Variants in FHIP1A observed in about 807,000 individuals in gnomAD.
FHIP1A encodes the protein FHF complex subunit HOOK-interacting protein 1A.
FHIP1A carries 61 observed loss-of-function variants against 88.6 expected under a neutral mutation model. The ratio of observed to expected loss-of-function variants is 0.69; its 90% CI spans 0.56 to 0.85. FHIP1A has a LOEUF of 0.85. Among genes scored for constraint, FHIP1A ranks in the 40% least tolerant of loss-of-function variants. The pLI is 0.00. For missense variants in FHIP1A, 1,154 were observed against 1,273.5 expected, an observed-to-expected ratio of 0.91 and a Z score of 1.43; for synonymous variants, 478 against 496.0, an observed-to-expected ratio of 0.96 and a Z score of 0.48.
intron 1 of FHIP1A, among the ~76,000 whole-genome samples, chr4:151,443,685 CTGTG>C (rs57147339): frequency 0.088 from 10,748 of 122,074 alleles, 904 homozygotes; most frequent in African/African-American, 0.23. Flanking sequence ...ATGAAGCACT[CTGTG>C]TGTGTGTGTG....
At chr4:151,652,544 TAGGAAATA>T (rs1737067451) in intron 11 of FHIP1A, among the ~76,000 whole-genome samples, 1 of 152,210 alleles carries the variant, frequency 6.6e-6, no homozygotes, top group African/African-American at 2.4e-5. Context: ...GGTTCTATGC[TAGGAAATA>T]AGGACACAAC....
chr4:151,461,808 A>G (rs902665778), intron 2 of FHIP1A, among the ~76,000 whole-genome samples: 2 of 152,162 alleles, frequency 1.3e-5, no homozygotes, highest in African/African-American at 4.8e-5. Context: ...TAACAGGCTC[A>G]TTTCTTTTTC....
At chr4:151,521,858 G>A (rs913017482) in intron 3 of FHIP1A, among the ~76,000 whole-genome samples, 1 of 152,082 alleles carries the variant, frequency 6.6e-6, no homozygotes, top group Non-Finnish European at 1.5e-5. Context: ...CCAAGTAGCT[G>A]GGACCACACA....
chr4:151,609,100 A>G (rs981203053), intron 7 of FHIP1A, among the ~76,000 whole-genome samples: 1 of 152,154 alleles, frequency 6.6e-6, no homozygotes, highest in African/African-American at 2.4e-5. Flanking sequence ...TGATTTCGAT[A>G]CCATAAAACT....
intron 7 of FHIP1A, among the ~76,000 whole-genome samples, chr4:151,610,260 T>C (rs1305496821): frequency 6.6e-6 from 1 of 152,220 alleles, no homozygotes; most frequent in Non-Finnish European, 1.5e-5. Context: ...GAGTTAACTC[T>C]TATTACTGTT....
intron 7 of FHIP1A, among the ~76,000 whole-genome samples, chr4:151,616,640 C>T (rs1463535284): frequency 4.0e-5 from 6 of 151,532 alleles, no homozygotes; most frequent in East Asian, 1.9e-4. Context: ...TTAGTGGAGG[C>T]GGGGTTTCAC....
chr4:151,414,046 GTGTT>G (rs1346469793), intron 1 of FHIP1A, among the ~76,000 whole-genome samples: 2 of 150,474 alleles, frequency 1.3e-5, no homozygotes, highest in Admixed American at 6.6e-5. Context: ...TATCTAGTTA[GTGTT>G]TGTTTGTTTT....
chr4:151,552,547 A>G (rs1230072715), intron 3 of FHIP1A, among the ~76,000 whole-genome samples: 2 of 152,150 alleles, frequency 1.3e-5, no homozygotes, highest in Non-Finnish European at 2.9e-5. Flanking sequence ...GAAGCTGGAA[A>G]CCATCATTCT....
At position 151,651,225 on chromosome 4, in the gene FHIP1A, A is replaced by T. The variant is rs150228686; in HGVS notation, c.2551+633A>T. 1.1e-3 allele frequency among the ~76,000 whole-genome samples: 175 copies of T among 152,378 alleles called. 1 individual carries two copies. Among genetic ancestry groups the T allele is most frequent in the African/African-American group, 3.9e-3 (163 of 41,590 alleles). ...TGAAAGAGTGGGTATATTCAATGAT[A>T]CACTACCAGCCACAGGTAGAAATCT... On this transcript the variant is annotated intron_variant, in intron 11 of 13. Coordinates refer to ENST00000435205, the MANE Select transcript of FHIP1A (RefSeq NM_001109977.3).
At chr4:151,516,330 C>T (rs1157645571) in intron 3 of FHIP1A, among the ~76,000 whole-genome samples, 2 of 151,700 alleles carry the variant, frequency 1.3e-5, no homozygotes, top group Admixed American at 6.6e-5. Context: ...AAACGTTAGA[C>T]CTAAAACCAT....
chr4:151,561,386 TG>T, intron 3 of FHIP1A, among the ~76,000 whole-genome samples: 1 of 152,280 alleles, frequency 6.6e-6, no homozygotes, highest in Admixed American at 6.5e-5. Flanking sequence ...AGTCCAGCAT[TG>T]CCCTGTGATA....
intron 2 of FHIP1A, among the ~76,000 whole-genome samples, chr4:151,464,776 T>G (rs777647667): frequency 2.0e-4 from 30 of 152,162 alleles, no homozygotes; most frequent in Non-Finnish European, 3.2e-4. Flanking sequence ...TTTTATTTGA[T>G]GATGAGTATG....
At chr4:151,456,173 ACT>A (rs1728961347) in intron 2 of FHIP1A, among the ~76,000 whole-genome samples, 1 of 152,094 alleles carries the variant, frequency 6.6e-6, no homozygotes, top group African/African-American at 2.4e-5. Flanking sequence ...AACAACCATA[ACT>A]CTCTAATTTA....
intron 7 of FHIP1A, among the ~76,000 whole-genome samples, chr4:151,599,164 A>C (rs924963095): frequency 2.6e-5 from 4 of 152,246 alleles, no homozygotes; most frequent in African/African-American, 9.6e-5. Flanking sequence ...TATTAAATAA[A>C]ATGATACTAT....
At position 151,649,914 on chromosome 4, in the gene FHIP1A, C is replaced by T; in HGVS notation, c.1873C>T (p.Leu625Phe). Residue 625 changes from leucine to phenylalanine, a missense_variant, in exon 11 of 14, where the codon CTC becomes TTC. Leu to Phe is a conservative substitution (Grantham distance 22, BLOSUM62 0). Transcript: ENST00000435205. ...KHIQEMKKNA[L>F]LLFKGSYIEE... is the part of the protein sequence containing the mutation. ...CATCCAGGAGATGAAGAAGAATGCC[C>T]TCCTGCTCTTCAAAGGGTCCTACAT... The T allele has an allele frequency of 6.4e-7, 1 of 1,551,610 alleles. No individual in the cohort carries two copies. Among genetic ancestry groups the T allele is most frequent in the Non-Finnish European group, 8.7e-7 (1 of 1,146,982 alleles).
chr4:151,610,315 G>T (rs1319818388), intron 7 of FHIP1A, among the ~76,000 whole-genome samples: 1 of 152,190 alleles, frequency 6.6e-6, no homozygotes, highest in Non-Finnish European at 1.5e-5. Flanking sequence ...AATAGATTTA[G>T]ATGACTAAAC....
intron 1 of FHIP1A, among the ~76,000 whole-genome samples, chr4:151,414,289 G>A (rs536552890): frequency 6.6e-5 from 10 of 152,236 alleles, no homozygotes; most frequent in South Asian, 6.2e-4. Context: ...CTGACCTTGG[G>A]TGATCTGCCC....
Position 151,649,989 on chromosome 4 carries a change from G to A in FHIP1A, c.1948G>A (p.Glu650Lys), listed in dbSNP as rs534898401. The A allele has an allele frequency of 3.9e-6, 6 of 1,551,668 alleles. No homozygotes were observed. In the African/African-American group the frequency reaches 6.8e-5, roughly 18 times the overall value. Residue 650 changes from glutamate to lysine, a missense_variant, in exon 11 of 14, where the codon GAG becomes AAG. Coordinates refer to ENST00000435205, the MANE Select transcript of FHIP1A (RefSeq NM_001109977.3). ...DDVMVYRLCA[E>K]KDSEDMKDSQ... Reference sequence around the variant, plus strand: ...TGTGATGGTGTACAGGCTGTGTGCTGAGAAGGACTCCGAGGACATGAAGGA... The same window carrying A: ...TGTGATGGTGTACAGGCTGTGTGCTAAGAAGGACTCCGAGGACATGAAGGA...
intron 3 of FHIP1A, among the ~76,000 whole-genome samples, chr4:151,535,950 G>A (rs761765244): frequency 3.9e-5 from 6 of 152,118 alleles, no homozygotes; most frequent in Non-Finnish European, 8.8e-5. Flanking sequence ...CAATTTGTTC[G>A]TTACAGTTAA....
Sources: allele counts gnomAD v4.1 joint callset (sites outside exome capture counted in the v4.1 genomes callset), GRCh38; gene constraint gnomAD v4.1.1; transcripts MANE v1.5; gene names NCBI Gene and HGNC (gene_info 2026-07-23, HGNC 2026-07-21).